Variants in PTGES observed in about 807,000 individuals in gnomAD.
PTGES encodes the protein prostaglandin E synthase, also known as MGST1-like 1.
In PTGES, 3 loss-of-function variants were observed where a neutral mutation model predicts 11.8. The observed-to-expected ratio is 0.25, with a 90% CI of 0.12 to 0.66. The LOEUF (loss-of-function observed/expected upper bound fraction) is 0.66. Ranked by LOEUF, PTGES falls within the 30% of genes least tolerant of loss-of-function variation. The probability of loss-of-function intolerance (pLI) is 0.82; values close to 1 mark genes in which losing one functional copy is unlikely to be tolerated. For missense variants in PTGES, 180 were observed against 213.0 expected (o/e 0.85, Z 0.96); for synonymous variants, 94 against 90.4 (o/e 1.04, Z -0.22).
At chr9:129,740,005 G>T in intron 2 of PTGES, 145 bp from the exon 3 acceptor site, 1 of 1,060,054 alleles carries the variant, frequency 9.4e-7, no homozygotes, top group Non-Finnish European at 1.3e-6. Context: ...TCACAGCCAG[G>T]TCAAGGAGAT....
At position 129,752,984 on chromosome 9, in the gene PTGES, C is replaced by A. The variant is rs770838955; in HGVS notation, c.29G>T (p.Ser10Ile). 5 of 1,609,028 alleles carry A rather than the reference C, an allele frequency of 3.1e-6. No individual in the cohort carries two copies. The Admixed American group carries it at 8.3e-5, about 27-fold the overall frequency. Residue 10 changes from serine (S) to isoleucine (I), a missense_variant, in exon 1 of 3, where the codon AGC becomes ATC. By Grantham distance (142) the Ser-to-Ile change is moderately radical (BLOSUM62 -2). Coordinates refer to ENST00000340607, the MANE Select transcript of PTGES (RefSeq NM_004878.5). ...GAGCAGGAAGGCCGGGAGGGCCGGG[C>A]TGCTCATCACCAGGCTGTGGGCAGG... MPAHSLVMS[S>I]PALPAFLLCS...
At chr9:129,750,951 G>T (rs1040728596) in intron 1 of PTGES, among the ~76,000 whole-genome samples, 4 of 152,192 alleles carry the variant, frequency 2.6e-5, no homozygotes, top group African/African-American at 9.6e-5. Flanking sequence ...AGGAGTGGGG[G>T]TTTCCTTCTG....
In PTGES at chr9:129,739,211, G is replaced by T. The variant is rs1369898082; in HGVS notation, c.*400C>A. 1 of 176,464 alleles carries T rather than the reference G, an allele frequency of 5.7e-6. No individual in the cohort carries two copies. Among genetic ancestry groups the T allele is most frequent in the Non-Finnish European group, 1.2e-5 (1 of 83,108 alleles). 10.9% of individuals were successfully genotyped at this position (176,464 alleles called of 1,614,324 possible). ...TTTCTGGGGTCAGTCTGAAAAGTCT[G>T]CATTCTTAGCCCGGGATTCAGATGA... On this transcript the variant is annotated 3_prime_UTR_variant, in exon 3 of 3. Coordinates refer to ENST00000340607, the MANE Select transcript of PTGES (RefSeq NM_004878.5). The surrounding 1 kb of genome is among the most constrained non-coding windows in gnomAD (Gnocchi z 5.7).
At chr9:129,742,342 A>C (rs1833004164) in intron 2 of PTGES, among the ~76,000 whole-genome samples, 2 of 150,606 alleles carry the variant, frequency 1.3e-5, no homozygotes, top group Non-Finnish European at 2.9e-5. Flanking sequence ...AAAAAAAAAA[A>C]AAAAAAAACA....
intron 2 of PTGES, among the ~76,000 whole-genome samples, chr9:129,744,877 C>A (rs35960834): frequency 0.031 from 4,448 of 143,132 alleles, 72 homozygotes; most frequent in South Asian, 0.042. Context: ...AAGTCCATCT[C>A]AAAAAAAAAA....
intron 2 of PTGES, among the ~76,000 whole-genome samples, chr9:129,747,443 T>C (rs544168367): frequency 1.3e-4 from 20 of 152,350 alleles, no homozygotes; most frequent in Non-Finnish European, 2.8e-4. Context: ...TTCTGATTTT[T>C]ATAATGAGGA....
At chr9:129,741,039 G>C (rs1025899656) in intron 2 of PTGES, among the ~76,000 whole-genome samples, 8 of 152,208 alleles carry the variant, frequency 5.3e-5, no homozygotes, top group African/African-American at 1.9e-4. Flanking sequence ...GGGCCAGTGC[G>C]ATGGTGTGTG....
intron 2 of PTGES, among the ~76,000 whole-genome samples, chr9:129,740,188 C>T (rs1832982365): frequency 6.6e-6 from 1 of 152,126 alleles, no homozygotes; most frequent in Admixed American, 6.5e-5. Flanking sequence ...CCACCTTCCT[C>T]TCTAGCCCTT....
rs1832978582 is a variant in PTGES, at chr9:129,739,858, G to A, written c.212C>T (p.Ala71Val). The A allele has an allele frequency of 1.3e-6, 2 of 1,565,788 alleles. No homozygotes were observed. Among genetic ancestry groups the A allele is most frequent in the Non-Finnish European group, 1.7e-6 (2 of 1,154,756 alleles). Residue 71 changes from alanine to valine, a missense_variant and splice_region_variant, in exon 3 of 3, where the codon GCC (alanine) becomes GTC (valine). Coordinates refer to ENST00000340607, the MANE Select transcript of PTGES (RefSeq NM_004878.5). The surrounding 1 kb of genome is among the most constrained non-coding windows in gnomAD (Gnocchi z 5.7). ...GATGGTCTCCATGTCGTTCCGGTGG[G>A]CCCTGGGGAGACAAGAGGGGTGCGG... ...SDPDVERCLR[A>V]HRNDMETIYP...
At chr9:129,746,855 TG>T (rs1338626670) in intron 2 of PTGES, among the ~76,000 whole-genome samples, 3 of 152,192 alleles carry the variant, frequency 2.0e-5, no homozygotes, top group African/African-American at 7.2e-5. Context: ...ATATTGACTG[TG>T]ATTATGTGAA....
intron 2 of PTGES, among the ~76,000 whole-genome samples, chr9:129,747,350 G>A (rs1417629879): frequency 6.6e-6 from 1 of 152,202 alleles, no homozygotes; most frequent in Non-Finnish European, 1.5e-5. Flanking sequence ...AGAGATGCAA[G>A]TGTGAACTGT....
At chr9:129,752,300 G>C (rs1359983925) in intron 1 of PTGES, among the ~76,000 whole-genome samples, 1 of 152,200 alleles carries the variant, frequency 6.6e-6, no homozygotes, top group Non-Finnish European at 1.5e-5. Context: ...CCAGTGTGAC[G>C]GACGCTACTG....
intron 2 of PTGES, among the ~76,000 whole-genome samples, chr9:129,746,203 C>T (rs1278360901): frequency 6.6e-6 from 1 of 152,136 alleles, no homozygotes; most frequent in Non-Finnish European, 1.5e-5. Flanking sequence ...TACATAAAAC[C>T]TCTGCAGCCT....
In PTGES at chr9:129,739,427, C is replaced by CAT. The variant is rs35042232; in HGVS notation, c.*183_*184insAT. 0.015 allele frequency: 11,308 copies of CAT among 754,150 alleles called. 247 individuals carry two copies. The highest frequency in any genetic ancestry group is 0.083 in the African/African-American group (4,670 of 56,020). The allele number at this position is 754,150 out of a possible 1,614,324, so 46.7% of individuals were successfully genotyped here. On this transcript the variant is annotated 3_prime_UTR_variant, in exon 3 of 3. Coordinates refer to ENST00000340607, the MANE Select transcript of PTGES (RefSeq NM_004878.5). The surrounding 1 kb of genome is among the most constrained non-coding windows in gnomAD (Gnocchi z 5.7). ...TCCAAGGGGCTAAGAAACATACACA[C>CAT]ACACATACACACACACGGGCACACA...
At chr9:129,752,265 G>T (rs1588189471) in intron 1 of PTGES, among the ~76,000 whole-genome samples, 1 of 152,250 alleles carries the variant, frequency 6.6e-6, no homozygotes, top group East Asian at 1.9e-4. Flanking sequence ...GACAAGCTCA[G>T]CCTATGACTT....
chr9:129,745,114 A>G lies in PTGES; in HGVS notation c.209+3541T>C, dbSNP rs16931431. Reference sequence around the variant, plus strand: ...CTGACAAATCAGTTCACTCAGTTTAAGTCTATACACTCCAAACAGAAATGC... The same window carrying G: ...CTGACAAATCAGTTCACTCAGTTTAGGTCTATACACTCCAAACAGAAATGC... On this transcript the variant is annotated intron_variant, in intron 2 of 2. Coordinates refer to ENST00000340607, the MANE Select transcript of PTGES (RefSeq NM_004878.5). This position sits in a 1 kb window ranked among gnomAD's most constrained non-coding sequence, Gnocchi z 4.2. 0.013 allele frequency among the ~76,000 whole-genome samples: 2,045 copies of G among 152,220 alleles called. 46 individuals are homozygous for G. The highest frequency in any genetic ancestry group is 0.045 in the African/African-American group (1,882 of 41,546).
At chr9:129,747,869 G>A (rs1418158827) in intron 2 of PTGES, among the ~76,000 whole-genome samples, 2 of 151,790 alleles carry the variant, frequency 1.3e-5, no homozygotes, top group East Asian at 3.9e-4. Context: ...AATTAGCCAG[G>A]CATGATGGTG....
At chr9:129,741,842 T>C (rs375617764) in intron 2 of PTGES, among the ~76,000 whole-genome samples, 37 of 150,952 alleles carry the variant, frequency 2.5e-4, no homozygotes, top group African/African-American at 8.8e-4. Context: ...CAGGTGGAGA[T>C]TGCAGTGAGC....
rs1416151043 is a variant in PTGES at position 129,739,549 on chromosome 9, C to T, written c.*62G>A. 6.0e-6 allele frequency: 9 copies of T among 1,511,132 alleles called. No individual in the cohort carries two copies. The highest frequency in any genetic ancestry group is 8.0e-6 in the Non-Finnish European group (9 of 1,127,268). 93.6% of individuals were successfully genotyped at this position (1,511,132 alleles called of 1,614,324 possible). ...CAATCTGGAAGGAACATCAAGTCCC[C>T]AGGTATAGCCACGGCGGCTCTTGGC... On this transcript the variant is annotated 3_prime_UTR_variant, in exon 3 of 3. Transcript: ENST00000340607. The surrounding 1 kb of genome is among the most constrained non-coding windows in gnomAD (Gnocchi z 5.7).
Sources: allele counts gnomAD v4.1 joint callset (sites outside exome capture counted in the v4.1 genomes callset), GRCh38; gene constraint gnomAD v4.1.1; non-coding constraint Gnocchi (gnomAD v3.1); transcripts MANE v1.5; gene names NCBI Gene and HGNC (gene_info 2026-07-23, HGNC 2026-07-21).